Variants in ERCC3 observed in about 807,000 individuals in gnomAD.
ERCC3 encodes general transcription and DNA repair factor IIH helicase/translocase subunit XPB.
Under a neutral mutation model 94.2 loss-of-function variants are expected in ERCC3, and 66 were observed. That is an observed-to-expected ratio of 0.70 (90% CI 0.57 to 0.86). The LOEUF (loss-of-function observed/expected upper bound fraction) is 0.86. Among genes scored for constraint, ERCC3 ranks in the 40% least tolerant of loss-of-function variants. The pLI is 0.00. For synonymous variants in ERCC3, 349 were observed against 369.1 expected (o/e 0.95, Z 0.63); for missense variants, 829 against 987.1 (o/e 0.84, Z 2.15).
chr2:127,274,820 C>T lies in ERCC3; in HGVS notation c.1731-1859G>A, dbSNP rs115174106. ...CCCTCAGTTTCTAAAGGTTCCCCCA[C>T]ACAGATGAAATAGAAGGAAAAGCAC... On this transcript the variant is annotated intron_variant, in intron 10 of 14. Coordinates refer to ENST00000285398, the MANE Select transcript of ERCC3 (RefSeq NM_000122.2). The surrounding 1 kb of genome is among the most constrained non-coding windows in gnomAD (Gnocchi z 4.0). Among the ~76,000 whole-genome samples the T allele has an allele frequency of 2.3e-3, 353 of 152,246 alleles. 1 individual carries two copies. The highest frequency in any genetic ancestry group is 7.7e-3 in the African/African-American group (320 of 41,542).
chr2:127,272,776 A>T (rs1295689155), intron 11 of ERCC3, 89 bp downstream of exon 11: 2 of 842,016 alleles, frequency 2.4e-6, no homozygotes, highest in Non-Finnish European at 4.2e-6. Context: ...CCTTCAGCAG[A>T]CATGAATTCA....
At chr2:127,287,260 T>C (rs1482493862) in intron 7 of ERCC3, among the ~76,000 whole-genome samples, 1 of 152,098 alleles carries the variant, frequency 6.6e-6, no homozygotes, top group Non-Finnish European at 1.5e-5. Flanking sequence ...TTTACACACA[T>C]CTCATTTAAA....
intron 12 of ERCC3, among the ~76,000 whole-genome samples, chr2:127,265,653 G>A (rs1460594218): frequency 6.6e-6 from 1 of 152,174 alleles, no homozygotes; most frequent in East Asian, 1.9e-4. Context: ...TCTTGACCTT[G>A]TAATCCGCCC....
chr2:127,293,157 A>C (rs1036980989), intron 2 of ERCC3, among the ~76,000 whole-genome samples: 3 of 152,226 alleles, frequency 2.0e-5, no homozygotes, highest in African/African-American at 7.2e-5. Context: ...TAATTATTTA[A>C]AGTAGAGCAA....
chr2:127,267,173 T>TA (rs1187643229), intron 12 of ERCC3, among the ~76,000 whole-genome samples: 1 of 152,250 alleles, frequency 6.6e-6, no homozygotes, highest in African/African-American at 2.4e-5. Context: ...CTCTATAATC[T>TA]GTCTCATGCT....
At chr2:127,287,741 G>C (rs1159181470) in intron 7 of ERCC3, among the ~76,000 whole-genome samples, 1 of 152,196 alleles carries the variant, frequency 6.6e-6, no homozygotes, top group African/African-American at 2.4e-5. Flanking sequence ...GCCCACAGAA[G>C]GAGGCACTCG....
At position 127,280,077 on chromosome 2, in the gene ERCC3, C is replaced by T. The variant is rs1409378403; in HGVS notation, c.1527+370G>A. ...GGGCTGGGAGCATATCAGTTAGGCG[C>T]TTGGGGCTATCAGAGCAAAGCCCTT... On this transcript the variant is annotated intron_variant, in intron 9 of 14. Coordinates refer to ENST00000285398, the MANE Select transcript of ERCC3 (RefSeq NM_000122.2). This position sits in a 1 kb window ranked among gnomAD's most constrained non-coding sequence, Gnocchi z 6.3. 6.6e-6 allele frequency among the ~76,000 whole-genome samples: 1 copy of T among 152,178 alleles called. No homozygotes were observed. Among genetic ancestry groups the T allele is most frequent in the Non-Finnish European group, 1.5e-5 (1 of 68,040 alleles).
In ERCC3 at chr2:127,291,077, G is replaced by A. The variant is rs535070966; in HGVS notation, c.472-804C>T. Among the ~76,000 whole-genome samples, 8 of 151,822 alleles carry A rather than the reference G, an allele frequency of 5.3e-5. No homozygotes were observed. In the South Asian group the frequency reaches 1.5e-3, roughly 28 times the overall value. ...AGCCTGGGCGACAGAGCAAGACTCC[G>A]TCTCAAAAAAAAAGAAAAAAAAAAT... On this transcript the variant is annotated intron_variant, in intron 3 of 14. Coordinates refer to ENST00000285398, the MANE Select transcript of ERCC3 (RefSeq NM_000122.2). This position sits in a 1 kb window ranked among gnomAD's most constrained non-coding sequence, Gnocchi z 4.9.
In ERCC3 at chr2:127,294,103, A is replaced by G; in HGVS notation, c.-22T>C. On this transcript the variant is annotated 5_prime_UTR_variant, in exon 1 of 15. Coordinates refer to ENST00000285398, the MANE Select transcript of ERCC3 (RefSeq NM_000122.2). ...CCATGGCAGCTACAGCAGCAGAGAG[A>G]AGATGACCCCGCTCCCACAGGCCCG... 6.2e-7 allele frequency: 1 copy of G among 1,606,268 alleles called. No homozygotes were observed. The highest frequency in any genetic ancestry group is 8.5e-7 in the Non-Finnish European group (1 of 1,179,336).
At chr2:127,282,330 CATTT>C (rs1317513263) in intron 8 of ERCC3, among the ~76,000 whole-genome samples, 1 of 152,204 alleles carries the variant, frequency 6.6e-6, no homozygotes, top group Non-Finnish European at 1.5e-5. Context: ...TGTCATTTGG[CATTT>C]ATTTGTGTGG....
rs894690019 is a variant in ERCC3 at position 127,257,862 on chromosome 2, G to A, written c.2218-135C>T. The A allele has an allele frequency of 2.1e-5, 21 of 1,019,176 alleles. No homozygotes were observed. The African/African-American group carries it at 2.1e-4, about 10-fold the overall frequency. 63.1% of individuals were successfully genotyped at this position (1,019,176 alleles called of 1,614,324 possible). A position where few individuals can be genotyped will look rare whatever the true frequency, so the allele number is the denominator to read the frequency against. ...TCATTTTTAATAATGTTTACAGATCGCTTACTGTCTCAGGCATTGTTCTAA... is the reference window on the plus strand; with the variant it reads ...TCATTTTTAATAATGTTTACAGATCACTTACTGTCTCAGGCATTGTTCTAA... On this transcript the variant is annotated intron_variant, in intron 14 of 14. Coordinates refer to ENST00000285398, the MANE Select transcript of ERCC3 (RefSeq NM_000122.2). The surrounding 1 kb of genome is among the most constrained non-coding windows in gnomAD (Gnocchi z 5.4).
chr2:127,274,320 AAAAAAAAAAAG>A lies in ERCC3; in HGVS notation c.1731-1370_1731-1360del, dbSNP rs1684664905. On this transcript the variant is annotated intron_variant, in intron 10 of 14. Coordinates refer to ENST00000285398, the MANE Select transcript of ERCC3 (RefSeq NM_000122.2). The surrounding 1 kb of genome is among the most constrained non-coding windows in gnomAD (Gnocchi z 4.0). Reference sequence around the variant, plus strand: ...ACAGAGTGAGACTCCGTCTCAGAAAAAAAAAAAAAAGAAAAAGAAAAGAAAAAAATCCAGCC... The same window carrying A: ...ACAGAGTGAGACTCCGTCTCAGAAAAAAAAAGAAAAGAAAAAAATCCAGCC... 6.6e-6 allele frequency among the ~76,000 whole-genome samples: 1 copy of A among 151,928 alleles called. No homozygotes were observed. Among genetic ancestry groups the A allele is most frequent in the East Asian group, 1.9e-4 (1 of 5,188 alleles).
rs756372508 is a variant in ERCC3 at position 127,261,354 on chromosome 2, A to G, written c.1946-8T>C. 6.7e-7 allele frequency: 1 copy of G among 1,493,572 alleles called. No homozygotes were observed. Among genetic ancestry groups the G allele is most frequent in the Admixed American group, 1.7e-5 (1 of 59,860 alleles). 92.5% of individuals were successfully genotyped at this position (1,493,572 alleles called of 1,614,324 possible). A position where few individuals can be genotyped will look rare whatever the true frequency, so the allele number is the denominator to read the frequency against. On this transcript the variant is annotated splice_polypyrimidine_tract_variant and splice_region_variant and intron_variant, in intron 12 of 14. Transcript: ENST00000285398. The stretch of plus-strand genomic sequence containing the variant: ...ACTCTTCTGCAACCATCCCTGCAGG[A>G]AAAAATGAGAAACGGCAATAAAGAA...
chr2:127,270,235 A>G (rs56216072), intron 12 of ERCC3, among the ~76,000 whole-genome samples: 1 of 152,128 alleles, frequency 6.6e-6, no homozygotes, highest in African/African-American at 2.4e-5. Flanking sequence ...ACATTGCCCA[A>G]GATGGTCTCA....
intron 10 of ERCC3, among the ~76,000 whole-genome samples, chr2:127,275,665 T>C (rs1010523948): frequency 6.6e-6 from 1 of 152,040 alleles, no homozygotes; most frequent in Non-Finnish European, 1.5e-5. Context: ...GGGGAGAGAA[T>C]AGTTCTTAAA....
Position 127,267,394 on chromosome 2 carries a change from T to C in ERCC3, c.1945+3942A>G, listed in dbSNP as rs1038361711. Among the ~76,000 whole-genome samples, 4 of 152,196 alleles carry C rather than the reference T, an allele frequency of 2.6e-5. No individual in the cohort carries two copies. In the East Asian group the frequency reaches 7.7e-4, roughly 29 times the overall value. ...ACTGTGGCTGGTTTAAAGTCTCTTT[T>C]ATCTGATGCAAGAATAGTGACCCCC... is the stretch of plus-strand genomic sequence containing the variant. On this transcript the variant is annotated intron_variant, in intron 12 of 14. Transcript: ENST00000285398.
chr2:127,265,962 AG>A (rs1359565094), intron 12 of ERCC3, among the ~76,000 whole-genome samples: 1 of 152,138 alleles, frequency 6.6e-6, no homozygotes, highest in Non-Finnish European at 1.5e-5. Flanking sequence ...GCTGTACCCC[AG>A]AGATTTAGTA....
In ERCC3 at chr2:127,258,826, C is replaced by T. The variant is rs937411159; in HGVS notation, c.2217+470G>A. 2.0e-5 allele frequency among the ~76,000 whole-genome samples: 3 copies of T among 152,282 alleles called. No homozygotes were observed. Among genetic ancestry groups the T allele is most frequent in the South Asian group, 2.1e-4 (1 of 4,828 alleles). On this transcript the variant is annotated intron_variant, in intron 14 of 14. Transcript: ENST00000285398. The surrounding 1 kb of genome is among the most constrained non-coding windows in gnomAD (Gnocchi z 4.1). Reference sequence around the variant, plus strand: ...CTCTACATTTTTCAAAGTTAAGTATCGAAGCTACCACAAGAGTTGATCCTC... The same window carrying T: ...CTCTACATTTTTCAAAGTTAAGTATTGAAGCTACCACAAGAGTTGATCCTC...
rs4150461 is a variant in ERCC3, at chr2:127,279,567, G to T, written c.1528-192C>A. On this transcript the variant is annotated intron_variant, in intron 9 of 14. Coordinates refer to ENST00000285398, the MANE Select transcript of ERCC3 (RefSeq NM_000122.2). This position sits in a 1 kb window ranked among gnomAD's most constrained non-coding sequence, Gnocchi z 4.7. ...ACTTGAGGCCAGGAGTTCAAGACCA[G>T]CCTGGCCAACACAGTGAAACCCAGT... 0.017 allele frequency among the ~76,000 whole-genome samples: 2,518 copies of T among 152,218 alleles called. 72 individuals are homozygous for T. Among genetic ancestry groups the T allele is most frequent in the African/African-American group, 0.057 (2,360 of 41,528 alleles).
Sources: allele counts gnomAD v4.1 joint callset (sites outside exome capture counted in the v4.1 genomes callset), GRCh38; gene constraint gnomAD v4.1.1; non-coding constraint Gnocchi (gnomAD v3.1); transcripts MANE v1.5; gene names NCBI Gene and HGNC (gene_info 2026-07-23, HGNC 2026-07-21).